The following UGP2 variants were observed in gnomAD, a reference collection of about 807,000 sequenced individuals.
UGP2 encodes UDP-glucose pyrophosphorylase 2, also known as UTP--glucose-1-phosphate uridylyltransferase.
Under a neutral mutation model 49.0 loss-of-function variants are expected in UGP2, and 40 were observed. The ratio of observed to expected loss-of-function variants is 0.82; its 90% CI spans 0.63 to 1.06. UGP2 has a LOEUF of 1.06. Ranked by LOEUF, UGP2 falls within the 50% of genes least tolerant of loss-of-function variation. The pLI, the probability that UGP2 is intolerant of heterozygous loss-of-function variation, is 0.00. For synonymous variants in UGP2, 225 were observed against 213.0 expected (o/e 1.06, Z -0.49); for missense variants, 460 against 603.5 (o/e 0.76, Z 2.49).
chr2:63,871,464 T>A (rs1670546415), intron 3 of UGP2, among the ~76,000 whole-genome samples: 2 of 152,214 alleles, frequency 1.3e-5, no homozygotes, highest in Admixed American at 1.3e-4. Flanking sequence ...TTTTGTACTT[T>A]TAGTAGAGAC....
intron 2 of UGP2, 200 bp from the exon 3 acceptor site, chr2:63,857,629 T>C: frequency 1.6e-6 from 1 of 614,022 alleles, no homozygotes; most frequent in Non-Finnish European, 3.0e-6. Flanking sequence ...CCTCCCAAAG[T>C]GCTGGGATTA....
chr2:63,877,770 G>A (rs1210507754), intron 3 of UGP2, among the ~76,000 whole-genome samples: 1 of 151,450 alleles, frequency 6.6e-6, no homozygotes, highest in Non-Finnish European at 1.5e-5. Context: ...GAGGCGGGTG[G>A]ATCATGAGGT....
At chr2:63,862,654 G>C (rs892865939) in intron 3 of UGP2, among the ~76,000 whole-genome samples, 2 of 152,034 alleles carry the variant, frequency 1.3e-5, no homozygotes, top group Non-Finnish European at 2.9e-5. Flanking sequence ...TACTGCCTTT[G>C]TGTCCAAAGT....
chr2:63,843,074 C>T (rs1244588861), intron 1 of UGP2, among the ~76,000 whole-genome samples: 1 of 152,136 alleles, frequency 6.6e-6, no homozygotes, highest in Non-Finnish European at 1.5e-5. Context: ...AGTTCACAAA[C>T]ACTTATTATG....
intron 3 of UGP2, among the ~76,000 whole-genome samples, chr2:63,862,132 A>G (rs1349252785): frequency 6.6e-6 from 1 of 152,138 alleles, no homozygotes; most frequent in Non-Finnish European, 1.5e-5. Flanking sequence ...AAGATTTCCC[A>G]GCTGCAACTA....
intron 3 of UGP2, among the ~76,000 whole-genome samples, chr2:63,880,375 T>C (rs1180281355): frequency 6.6e-6 from 1 of 152,028 alleles, no homozygotes; most frequent in Non-Finnish European, 1.5e-5. Context: ...GGTTTCACCA[T>C]GTTGCCCAGA....
chr2:63,856,002 G>A, intron 1 of UGP2: 1 of 246,038 alleles, frequency 4.1e-6, no homozygotes, highest in Admixed American at 5.2e-5. Flanking sequence ...CTGAAATTGG[G>A]AACCAGAAGA....
chr2:63,869,626 C>T (rs1363529731), intron 3 of UGP2, among the ~76,000 whole-genome samples: 4 of 152,062 alleles, frequency 2.6e-5, no homozygotes, highest in African/African-American at 9.7e-5. Context: ...CTCACAAATA[C>T]GTGGTTTTTG....
intron 1 of UGP2, chr2:63,842,580 G>C: frequency 1.3e-6 from 2 of 1,488,364 alleles, no homozygotes; most frequent in Non-Finnish European, 1.8e-6. Flanking sequence ...TGGGGAAGCG[G>C]GAGGACTGAG....
intron 9 of UGP2, among the ~76,000 whole-genome samples, chr2:63,890,880 C>T (rs905395323): frequency 9.9e-5 from 15 of 152,158 alleles, no homozygotes; most frequent in African/African-American, 4.8e-5. Flanking sequence ...GGGTCCACTT[C>T]CCGCTCTTAG....
At chr2:63,848,700 T>C (rs1297155994) in intron 1 of UGP2, among the ~76,000 whole-genome samples, 2 of 152,204 alleles carry the variant, frequency 1.3e-5, no homozygotes, top group African/African-American at 4.8e-5. Flanking sequence ...CAGGCACGTG[T>C]CCTTCTATTA....
At chr2:63,856,489 T>C in intron 2 of UGP2, 56 bp downstream of exon 2, 1 of 1,487,660 alleles carries the variant, frequency 6.7e-7, no homozygotes, top group South Asian at 1.3e-5. Context: ...TCTGTCTTCA[T>C]GCTGAGTTGC....
intron 7 of UGP2, among the ~76,000 whole-genome samples, chr2:63,886,744 T>C (rs1671702257): frequency 6.6e-6 from 1 of 152,138 alleles, no homozygotes; most frequent in African/African-American, 2.4e-5. Flanking sequence ...TATTTGACCC[T>C]GGGTTGTGGT....
In UGP2 at chr2:63,879,296, C is replaced by T. The variant is rs1162059671; in HGVS notation, c.256-3170C>T. Among the ~76,000 whole-genome samples the T allele has an allele frequency of 1.1e-4, 17 of 152,078 alleles. No homozygotes were observed. In the East Asian group the frequency reaches 1.4e-3, roughly 12 times the overall value. On this transcript the variant is annotated intron_variant, in intron 3 of 9. Transcript: ENST00000337130. ...TTATGTTTATTGTCATTCTGTTTTCCAACTTATTGAATTATTTGAAAACAT... is the reference window on the plus strand; with the variant it reads ...TTATGTTTATTGTCATTCTGTTTTCTAACTTATTGAATTATTTGAAAACAT...
intron 3 of UGP2, among the ~76,000 whole-genome samples, chr2:63,872,621 A>G (rs1004860954): frequency 6.6e-6 from 1 of 152,156 alleles, no homozygotes; most frequent in East Asian, 1.9e-4. Flanking sequence ...TTACTGTCTC[A>G]TTTGATTTAA....
chr2:63,860,493 T>C (rs1263925589), intron 3 of UGP2, among the ~76,000 whole-genome samples: 1 of 152,252 alleles, frequency 6.6e-6, no homozygotes, highest in Non-Finnish European at 1.5e-5. Context: ...GTGTATGTAT[T>C]TTCAGAACAT....
rs991763317 is a variant in UGP2, at chr2:63,883,895, A to G, written c.442-65A>G. 6 of 1,534,494 alleles carry G rather than the reference A, an allele frequency of 3.9e-6. No homozygotes were observed. In the Admixed American group the frequency reaches 1.1e-4, roughly 28 times the overall value. On this transcript the variant is annotated intron_variant, in intron 4 of 9. Transcript: ENST00000337130. Reference sequence around the variant, plus strand: ...TTTTATGATTTAACCATTAAGAACTAATTTTGCATATTTGAGCAAAAGAAA... The same window carrying G: ...TTTTATGATTTAACCATTAAGAACTGATTTTGCATATTTGAGCAAAAGAAA...
intron 3 of UGP2, among the ~76,000 whole-genome samples, chr2:63,859,669 G>A (rs1352093471): frequency 3.9e-5 from 6 of 152,032 alleles, no homozygotes; most frequent in Non-Finnish European, 5.9e-5. Flanking sequence ...AATTGATATA[G>A]GACAAAAGAA....
intron 3 of UGP2, among the ~76,000 whole-genome samples, chr2:63,865,651 G>A (rs1309348341): frequency 6.7e-6 from 1 of 150,228 alleles, no homozygotes; most frequent in East Asian, 2.0e-4. Context: ...GGATCCTCTT[G>A]CCTCGACCTC....
Sources: allele counts gnomAD v4.1 joint callset (sites outside exome capture counted in the v4.1 genomes callset), GRCh38; gene constraint gnomAD v4.1.1; transcripts MANE v1.5; gene names NCBI Gene and HGNC (gene_info 2026-07-23, HGNC 2026-07-21).